GRIA1: variants seen among roughly 807,000 people sequenced by gnomAD.
GRIA1 encodes glutamate ionotropic receptor AMPA type subunit 1, also known as glutamate receptor 1.
GRIA1 carries 31 observed loss-of-function variants against 99.2 expected under a neutral mutation model. The observed-to-expected ratio is 0.31, with a 90% CI of 0.23 to 0.42. The LOEUF (loss-of-function observed/expected upper bound fraction) is 0.42, where lower values mean the gene tolerates loss of function less well. Among genes scored for constraint, GRIA1 ranks in the 10% least tolerant of loss-of-function variants. The pLI is 1.00. For missense variants in GRIA1, 782 were observed against 1,157.5 expected (o/e 0.68, Z 4.71); for synonymous variants, 438 against 432.4 (o/e 1.01, Z -0.16).
intron 2 of GRIA1, among the ~76,000 whole-genome samples, chr5:153,623,567 A>C (rs749616591): frequency 1.3e-5 from 2 of 152,246 alleles, no homozygotes; most frequent in Non-Finnish European, 2.9e-5. Context: ...TGGTCTTACT[A>C]AGAGACTAAA....
chr5:153,564,150 T>C (rs1264525225), intron 2 of GRIA1, among the ~76,000 whole-genome samples: 1 of 152,164 alleles, frequency 6.6e-6, no homozygotes, highest in African/African-American at 2.4e-5. Flanking sequence ...AGATTCAAGG[T>C]GCCAACATCA....
Position 153,677,026 on chromosome 5 carries a change from G to A in GRIA1, c.894G>A (p.Lys298=), listed in dbSNP as rs1200804001. The A allele has an allele frequency of 6.4e-7, 1 of 1,556,818 alleles. No individual in the cohort carries two copies. Among genetic ancestry groups the A allele is most frequent in the African/African-American group, 1.4e-5 (1 of 73,226 alleles). Residue 298 remains lysine, a synonymous_variant, in exon 7 of 16, where the codon AAG becomes AAA. Coordinates refer to ENST00000285900, the MANE Select transcript of GRIA1 (RefSeq NM_000827.4). ...CTGCGCTCACCTACGATGGGGTGAA[G>A]GTGATGGCTGAGGCTTTCCAGAGCC... ...YTSALTYDGV[K]VMAEAFQSLR... is the part of the protein sequence containing the mutation.
At chr5:153,654,499 G>A (rs984914464) in intron 4 of GRIA1, among the ~76,000 whole-genome samples, 47 of 151,910 alleles carry the variant, frequency 3.1e-4, no homozygotes, top group African/African-American at 1.1e-3. Flanking sequence ...CATTTGACAA[G>A]CAGATGAAAA....
intron 2 of GRIA1, among the ~76,000 whole-genome samples, chr5:153,506,814 A>G (rs1755551211): frequency 6.6e-6 from 1 of 152,142 alleles, no homozygotes; most frequent in African/African-American, 2.4e-5. Context: ...TCCTTACTCC[A>G]AGATCACTCT....
chr5:153,610,186 G>A (rs752650066), intron 2 of GRIA1, among the ~76,000 whole-genome samples: 1 of 152,274 alleles, frequency 6.6e-6, no homozygotes, highest in Non-Finnish European at 1.5e-5. Context: ...ACTAAAAATA[G>A]GGTGACTTAC....
chr5:153,751,030 G>T (rs912089904), intron 11 of GRIA1, among the ~76,000 whole-genome samples: 3 of 152,158 alleles, frequency 2.0e-5, no homozygotes, highest in African/African-American at 4.8e-5. Flanking sequence ...AGCCTGGGAG[G>T]CAGAGGTTGC....
intron 2 of GRIA1, among the ~76,000 whole-genome samples, chr5:153,507,173 T>C (rs758189916): frequency 2.2e-4 from 34 of 152,116 alleles, no homozygotes; most frequent in Non-Finnish European, 3.8e-4. Context: ...GTTGATGTAA[T>C]GAACCAAGTA....
chr5:153,655,759 T>C, intron 4 of GRIA1, 60 bp from the exon 5 acceptor site: 3 of 1,421,552 alleles, frequency 2.1e-6, no homozygotes, highest in Non-Finnish European at 2.0e-6. Context: ...TTATTACTGT[T>C]GTTGTCGTGG....
At chr5:153,503,431 G>C (rs1755198878) in intron 2 of GRIA1, among the ~76,000 whole-genome samples, 1 of 152,196 alleles carries the variant, frequency 6.6e-6, no homozygotes, top group African/African-American at 2.4e-5. Flanking sequence ...TTGTATGAAA[G>C]AGCTTTGAAA....
At chr5:153,802,263 T>C in intron 14 of GRIA1, 93 bp from the exon 15 acceptor site, 2 of 1,017,368 alleles carry the variant, frequency 2.0e-6, no homozygotes, top group Non-Finnish European at 3.1e-6. Context: ...GTTGTGTGTA[T>C]GTGTGAAAAT....
At chr5:153,750,465 G>A (rs1030306994) in intron 11 of GRIA1, among the ~76,000 whole-genome samples, 5 of 152,100 alleles carry the variant, frequency 3.3e-5, no homozygotes, top group Admixed American at 1.3e-4. Context: ...GGGATGACAC[G>A]ACGTGTTTTT....
At chr5:153,808,604 C>T (rs532810530) in intron 15 of GRIA1, among the ~76,000 whole-genome samples, 11 of 152,192 alleles carry the variant, frequency 7.2e-5, no homozygotes, top group Admixed American at 5.2e-4. Context: ...ATACACCACA[C>T]CAGCATCTCT....
intron 13 of GRIA1, among the ~76,000 whole-genome samples, chr5:153,782,911 C>T (rs928580136): frequency 6.6e-6 from 1 of 152,174 alleles, no homozygotes; most frequent in Non-Finnish European, 1.5e-5. Flanking sequence ...CAAACAAAAC[C>T]TCTCATGGAA....
intron 2 of GRIA1, among the ~76,000 whole-genome samples, chr5:153,604,963 C>G (rs1765319329): frequency 6.6e-6 from 1 of 151,912 alleles, no homozygotes; most frequent in African/African-American, 2.4e-5. Flanking sequence ...AAAAGGTGGC[C>G]AGGCGCAGTG....
intron 13 of GRIA1, among the ~76,000 whole-genome samples, chr5:153,775,291 A>T (rs1397411567): frequency 6.6e-6 from 1 of 152,246 alleles, no homozygotes; most frequent in East Asian, 1.9e-4. Flanking sequence ...ATGTCACCTG[A>T]TGATTCTCTT....
At chr5:153,640,176 C>T (rs1040224912) in intron 2 of GRIA1, among the ~76,000 whole-genome samples, 56 of 152,302 alleles carry the variant, frequency 3.7e-4, no homozygotes, top group African/African-American at 1.3e-3. Flanking sequence ...TTCTTAGCCT[C>T]GTATGCAGTA....
At chr5:153,724,908 T>C (rs1382261621) in intron 11 of GRIA1, among the ~76,000 whole-genome samples, 1 of 152,084 alleles carries the variant, frequency 6.6e-6, no homozygotes, top group African/African-American at 2.4e-5. Flanking sequence ...GTCACAAAGA[T>C]ACTCCTCGAG....
At chr5:153,741,681 T>C (rs1283268450) in intron 11 of GRIA1, among the ~76,000 whole-genome samples, 1 of 152,198 alleles carries the variant, frequency 6.6e-6, no homozygotes, top group African/African-American at 2.4e-5. Context: ...TGGTTCCACT[T>C]ATATGAGATA....
chr5:153,659,606 G>A (rs1428721978), intron 5 of GRIA1, among the ~76,000 whole-genome samples: 3 of 152,156 alleles, frequency 2.0e-5, no homozygotes, highest in African/African-American at 7.2e-5. Flanking sequence ...TCAAAACAGA[G>A]GACCTGTGGA....
Sources: allele counts gnomAD v4.1 joint callset (sites outside exome capture counted in the v4.1 genomes callset), GRCh38; gene constraint gnomAD v4.1.1; transcripts MANE v1.5; gene names NCBI Gene and HGNC (gene_info 2026-07-23, HGNC 2026-07-21).